The following CD2AP variants were observed in gnomAD, a reference collection of about 807,000 sequenced individuals.
The protein encoded by CD2AP is CD2-associated protein.
A neutral mutation model predicts 85.1 loss-of-function variants in CD2AP; 46 were observed. The ratio of observed to expected loss-of-function variants is 0.54; its 90% CI spans 0.43 to 0.69. The LOEUF (loss-of-function observed/expected upper bound fraction) is 0.69. CD2AP is among the 30% of genes least tolerant of loss of function. The pLI, the probability that CD2AP is intolerant of heterozygous loss-of-function variation, is 0.00. For missense variants in CD2AP, 769 were observed against 729.5 expected (o/e 1.05, Z -0.62); for synonymous variants, 255 against 252.9 (o/e 1.01, Z -0.08).
intron 2 of CD2AP, among the ~76,000 whole-genome samples, chr6:47,507,944 G>A (rs1282943789): frequency 1.3e-5 from 2 of 152,230 alleles, no homozygotes; most frequent in African/African-American, 2.4e-5. Context: ...GGTCTCAACA[G>A]TGGGCTTAAA....
intron 1 of CD2AP, among the ~76,000 whole-genome samples, chr6:47,493,324 AT>A (rs1765779977): frequency 6.8e-6 from 1 of 145,988 alleles, no homozygotes; most frequent in Admixed American, 6.9e-5. Flanking sequence ...TTTAAGGATA[AT>A]TTTACTAGAT....
intron 3 of CD2AP, among the ~76,000 whole-genome samples, chr6:47,538,994 G>A (rs1307753164): frequency 6.6e-6 from 1 of 152,134 alleles, no homozygotes; most frequent in Non-Finnish European, 1.5e-5. Flanking sequence ...GAACTCTTGT[G>A]TGTCAAATGC....
intron 5 of CD2AP, among the ~76,000 whole-genome samples, chr6:47,557,269 G>A (rs1303929140): frequency 2.7e-5 from 4 of 150,862 alleles, no homozygotes; most frequent in African/African-American, 9.8e-5. Context: ...CTCCCATTCT[G>A]TAGGTTGCCT....
intron 1 of CD2AP, 72 bp downstream of exon 1, chr6:47,478,320 C>T: frequency 1.9e-6 from 3 of 1,538,642 alleles, no homozygotes; most frequent in Non-Finnish European, 2.6e-6. Context: ...CCTTTCTCGG[C>T]CTTCTGGGGA....
intron 1 of CD2AP, among the ~76,000 whole-genome samples, chr6:47,483,033 A>G (rs2113957662): frequency 6.6e-6 from 1 of 152,368 alleles, no homozygotes; most frequent in South Asian, 2.1e-4. Flanking sequence ...GAAAGTTTTC[A>G]GATTTTATGT....
intron 1 of CD2AP, among the ~76,000 whole-genome samples, chr6:47,487,064 G>T (rs1765580893): frequency 6.6e-6 from 1 of 152,144 alleles, no homozygotes; most frequent in African/African-American, 2.4e-5. Flanking sequence ...GCTGTAGCAG[G>T]TTGCAGTCTG....
intron 17 of CD2AP, among the ~76,000 whole-genome samples, chr6:47,614,706 C>G (rs1769535049): frequency 6.6e-6 from 1 of 152,210 alleles, no homozygotes; most frequent in Non-Finnish European, 1.5e-5. Context: ...AGGATTACCA[C>G]AAGCCTTTGA....
intron 4 of CD2AP, among the ~76,000 whole-genome samples, chr6:47,550,208 A>G (rs138132845): frequency 6.6e-6 from 1 of 152,246 alleles, no homozygotes; most frequent in Non-Finnish European, 1.5e-5. Flanking sequence ...ATAAATAGCT[A>G]TGACCTAATT....
At chr6:47,607,860 C>G (rs1170519257) in intron 14 of CD2AP, 67 bp from the exon 15 acceptor site, 29 of 1,051,816 alleles carry the variant, frequency 2.8e-5, no homozygotes, top group Non-Finnish European at 3.9e-5. Context: ...GCTTTATTAT[C>G]CAAAGACTTA....
chr6:47,483,707 T>G (rs2113958399), intron 1 of CD2AP, among the ~76,000 whole-genome samples: 1 of 152,166 alleles, frequency 6.6e-6, no homozygotes, highest in South Asian at 2.1e-4. Flanking sequence ...GTGAATGGGA[T>G]CTTCTCTCTA....
chr6:47,491,475 A>G (rs1338532130), intron 1 of CD2AP, among the ~76,000 whole-genome samples: 2 of 152,098 alleles, frequency 1.3e-5, no homozygotes, highest in African/African-American at 2.4e-5. Context: ...TTAACACTCA[A>G]TAGTATACTG....
intron 8 of CD2AP, among the ~76,000 whole-genome samples, chr6:47,578,749 C>G (rs780290842): frequency 6.7e-6 from 1 of 149,568 alleles, no homozygotes; most frequent in Non-Finnish European, 1.5e-5. Flanking sequence ...CTCTGCCTCC[C>G]GAGTTCAAGC....
rs897803558 is a variant in CD2AP at position 47,506,683 on chromosome 6, C to T, written c.165+3243C>T. Among the ~76,000 whole-genome samples the T allele has an allele frequency of 5.9e-5, 8 of 136,670 alleles. 1 individual carries two copies. In the South Asian group the frequency reaches 1.1e-3, roughly 18 times the overall value. 89.7% of individuals were successfully genotyped at this position (136,670 alleles called of 152,430 possible). On this transcript the variant is annotated intron_variant, in intron 2 of 17. Transcript: ENST00000359314. ...GCGCGTGCCTGCAATCGCAGGCATT[C>T]GGCAGAGTGAGGCAGGAGAATCAGG...
rs1247968227 is a variant in CD2AP at position 47,613,857 on chromosome 6, G to A, written c.1878+1321G>A. On this transcript the variant is annotated intron_variant, in intron 17 of 17. Coordinates refer to ENST00000359314, the MANE Select transcript of CD2AP (RefSeq NM_012120.3). ...AATTTGTTTCCTGTAGCCAACTCCC[G>A]TCTTAGCTAGATCTTCTGGATAACT... is the stretch of plus-strand genomic sequence containing the variant. Among the ~76,000 whole-genome samples, 6 of 152,224 alleles carry A rather than the reference G, an allele frequency of 3.9e-5. 1 individual carries two copies. In the East Asian group the frequency reaches 5.8e-4, roughly 15 times the overall value.
intron 1 of CD2AP, among the ~76,000 whole-genome samples, chr6:47,494,364 A>G (rs2113970700): frequency 6.6e-6 from 1 of 152,286 alleles, no homozygotes; most frequent in South Asian, 2.1e-4. Flanking sequence ...TCAGCTGTAA[A>G]TACTGGAGCC....
chr6:47,579,723 T>A (rs548610291), intron 9 of CD2AP: 1 of 438,930 alleles, frequency 2.3e-6, no homozygotes, highest in South Asian at 2.8e-5. Flanking sequence ...TTAGACTTCT[T>A]TATTTTATAA....
chr6:47,478,299 G>A (rs1322454899), intron 1 of CD2AP, 51 bp downstream of exon 1: 2 of 1,560,940 alleles, frequency 1.3e-6, no homozygotes, highest in East Asian at 4.8e-5. Context: ...CCAGACCCGG[G>A]GAGGCTGTGC....
At chr6:47,595,617 C>T (rs1452195966) in intron 11 of CD2AP, among the ~76,000 whole-genome samples, 2 of 152,140 alleles carry the variant, frequency 1.3e-5, no homozygotes, top group East Asian at 3.9e-4. Flanking sequence ...GCATTATCTA[C>T]TAATCGGAAG....
chr6:47,610,091 G>A (rs1237173715), intron 16 of CD2AP, among the ~76,000 whole-genome samples: 1 of 152,122 alleles, frequency 6.6e-6, no homozygotes, highest in East Asian at 1.9e-4. Flanking sequence ...CTAGTTGAAA[G>A]TTAGGGACTT....
Sources: gnomAD v4.1 joint callset for allele counts (sites outside exome capture counted in the v4.1 genomes callset) on GRCh38, gnomAD v4.1.1 for gene constraint, MANE v1.5 for transcripts, NCBI Gene and HGNC (gene_info 2026-07-23, HGNC 2026-07-21) for gene names.